The following ATG14 variants were observed in gnomAD, a reference collection of about 807,000 sequenced individuals.
ATG14 encodes the protein autophagy related 14.
ATG14 carries 35 observed loss-of-function variants against 60.4 expected under a neutral mutation model. The observed-to-expected ratio is 0.58, with a 90% CI of 0.44 to 0.77. The LOEUF is 0.77. Ranked by LOEUF, ATG14 falls within the 30% of genes least tolerant of loss-of-function variation. ATG14 has a pLI of 0.00. For synonymous variants in ATG14, 234 were observed against 228.8 expected (o/e 1.02, Z -0.21); for missense variants, 647 against 626.3 (o/e 1.03, Z -0.35).
intron 4 of ATG14, among the ~76,000 whole-genome samples, chr14:55,388,961 A>G (rs77631806): frequency 0.02 from 3,020 of 152,136 alleles, 79 homozygotes; most frequent in African/African-American, 0.069. Flanking sequence ...TTTTTTTTCA[A>G]CATGGCGATT....
intron 5 of ATG14, among the ~76,000 whole-genome samples, chr14:55,384,463 CTCTTTT>C (rs1406658005): frequency 6.6e-6 from 1 of 152,236 alleles, no homozygotes; most frequent in African/African-American, 2.4e-5. Flanking sequence ...CTGCTAATAT[CTCTTTT>C]GGGGTTCAGG....
chr14:55,396,068 T>TA lies in ATG14; in HGVS notation c.285-87dup, dbSNP rs1885309677. The stretch of plus-strand genomic sequence containing the variant: ...AAATGTAAAATCAAACACTTAAAAT[T>TA]AAGTCCTTAGAAATGGCTAGAAATA... On this transcript the variant is annotated intron_variant, in intron 2 of 9. Coordinates refer to ENST00000247178, the MANE Select transcript of ATG14 (RefSeq NM_014924.5). 2.6e-5 allele frequency: 27 copies of TA among 1,033,894 alleles called. No homozygotes were observed. The South Asian group carries it at 4.3e-4, about 17-fold the overall frequency. The allele number at this position is 1,033,894 out of a possible 1,614,324, so 64.0% of individuals were successfully genotyped here. A position where few individuals can be genotyped will look rare whatever the true frequency, so the allele number is the denominator to read the frequency against.
chr14:55,398,737 G>A (rs554527613), intron 1 of ATG14, among the ~76,000 whole-genome samples: 67 of 152,158 alleles, frequency 4.4e-4, no homozygotes, highest in African/African-American at 1.5e-3. Context: ...TTCTACAGCT[G>A]TTGGGCAGTG....
intron 5 of ATG14, among the ~76,000 whole-genome samples, chr14:55,385,040 T>G (rs1885100117): frequency 6.6e-6 from 1 of 152,204 alleles, no homozygotes; most frequent in South Asian, 2.1e-4. Flanking sequence ...GTCACGGTAT[T>G]CAGTGCTTGA....
chr14:55,384,084 G>A (rs765610759), intron 5 of ATG14, among the ~76,000 whole-genome samples: 5 of 152,112 alleles, frequency 3.3e-5, no homozygotes, highest in East Asian at 3.8e-4. Flanking sequence ...GTACTGCTGC[G>A]TCTCCCTTCT....
intron 1 of ATG14, among the ~76,000 whole-genome samples, chr14:55,405,225 C>G (rs1456272346): frequency 6.6e-6 from 1 of 152,112 alleles, no homozygotes; most frequent in Non-Finnish European, 1.5e-5. Context: ...GCCACAGTGG[C>G]TGACAAACAA....
intron 3 of ATG14, among the ~76,000 whole-genome samples, chr14:55,392,576 G>T (rs1210606577): frequency 6.6e-6 from 1 of 150,708 alleles, no homozygotes; most frequent in Non-Finnish European, 1.5e-5. Context: ...TTGAGCCCAG[G>T]AGGCAGAGGT....
chr14:55,401,878 A>G (rs1237803947), intron 1 of ATG14, among the ~76,000 whole-genome samples: 4 of 152,236 alleles, frequency 2.6e-5, no homozygotes, highest in Non-Finnish European at 5.9e-5. Context: ...AAGGAAGGGT[A>G]TGGAGGCAGA....
rs1249864391 is a variant in ATG14, at chr14:55,411,606, C to G, written c.217G>C (p.Glu73Gln). The G allele has an allele frequency of 1.5e-5, 24 of 1,607,720 alleles. No individual in the cohort carries two copies. The highest frequency in any genetic ancestry group is 2.0e-5 in the Non-Finnish European group (24 of 1,177,774). Reference protein sequence around the residue: ...DFVYFDGRDRERFIDKKERLS... With the variant: ...DFVYFDGRDRQRFIDKKERLS... ...GGGCCGTGGCGGCCGCCGTACCTCT[C>G]CCGGTCGCGGCCGTCGAAGTAGACG... Residue 73 changes from glutamate (E) to glutamine (Q), a missense_variant, in exon 1 of 10, where the codon GAG becomes CAG. Coordinates refer to ENST00000247178, the MANE Select transcript of ATG14 (RefSeq NM_014924.5).
rs1566585727 is a variant in ATG14 at position 55,402,953 on chromosome 14, ATATATATATATAT to A, written c.222-5532_222-5520del. On this transcript the variant is annotated intron_variant, in intron 1 of 9. Coordinates refer to ENST00000247178, the MANE Select transcript of ATG14 (RefSeq NM_014924.5). Reference sequence around the variant, plus strand: ...TATATATATATATATATATATATATATATATATATATATATAAATAGCTGGGCATAGTGGTGCA... The same window carrying A: ...TATATATATATATATATATATATATAATAAATAGCTGGGCATAGTGGTGCA... 3.1e-4 allele frequency among the ~76,000 whole-genome samples: 24 copies of A among 77,278 alleles called. 1 individual carries two copies. The highest frequency in any genetic ancestry group is 1.0e-3 in the Admixed American group (7 of 6,866). The allele number at this position is 77,278 out of a possible 152,430, so 50.7% of individuals were successfully genotyped here.
At position 55,382,201 on chromosome 14, in the gene ATG14, G is replaced by A. The variant is rs10135759; in HGVS notation, c.648-10C>T. Reference sequence around the variant, plus strand: ...CACATCTGCGGGGTCTCTACAAGTAGGAAGACACACACGGATTTTCAAGAG... The same window carrying A: ...CACATCTGCGGGGTCTCTACAAGTAAGAAGACACACACGGATTTTCAAGAG... On this transcript the variant is annotated splice_polypyrimidine_tract_variant and intron_variant, in intron 5 of 9. Transcript: ENST00000247178. 5.0e-5 allele frequency: 81 copies of A among 1,612,976 alleles called. No homozygotes were observed. The African/African-American group carries it at 1.0e-3, about 21-fold the overall frequency.
chr14:55,391,984 A>T (rs147713314), intron 3 of ATG14, among the ~76,000 whole-genome samples: 93 of 152,270 alleles, frequency 6.1e-4, no homozygotes, highest in South Asian at 4.8e-3. Flanking sequence ...TAGGTTCAGC[A>T]CCCCCTAAAG....
chr14:55,411,802 C>T lies in ATG14; in HGVS notation c.21G>A (p.Lys7=), dbSNP rs958463814. 15 of 1,597,620 alleles carry T rather than the reference C, an allele frequency of 9.4e-6. No homozygotes were observed. In the Admixed American group the frequency reaches 1.6e-4, roughly 17 times the overall value. Residue 7 remains lysine (K), a synonymous_variant, in exon 1 of 10, where the codon AAG becomes AAA. Transcript: ENST00000247178. ...CAGGAGCCTCCAGCGCCCGGGCTCC[C>T]TTCCCACTGGGAGACGCCATGATGG... MASPSG[K]GARALEAPGC...
chr14:55,377,520 A>G (rs1884942228), intron 9 of ATG14, among the ~76,000 whole-genome samples: 1 of 152,168 alleles, frequency 6.6e-6, no homozygotes, highest in Non-Finnish European at 1.5e-5. Flanking sequence ...ATCCAAAGAC[A>G]TGGCCTTTGG....
intron 1 of ATG14, among the ~76,000 whole-genome samples, chr14:55,408,639 A>G (rs748014499): frequency 2.6e-5 from 4 of 152,048 alleles, no homozygotes; most frequent in Non-Finnish European, 4.4e-5. Context: ...GGTGTGGTGG[A>G]GCATGCCTGT....
At chr14:55,403,427 C>T (rs1356144772) in intron 1 of ATG14, among the ~76,000 whole-genome samples, 1 of 152,062 alleles carries the variant, frequency 6.6e-6, no homozygotes, top group Non-Finnish European at 1.5e-5. Flanking sequence ...TACTACAGTT[C>T]CTTCATTCAG....
At chr14:55,408,376 G>C (rs1224543698) in intron 1 of ATG14, among the ~76,000 whole-genome samples, 8 of 152,126 alleles carry the variant, frequency 5.3e-5, no homozygotes, top group Admixed American at 2.0e-4. Context: ...AATCGCTTGA[G>C]AACAGGGAGG....
chr14:55,379,623 GTAA>G (rs1234864269), intron 7 of ATG14, among the ~76,000 whole-genome samples: 8 of 152,170 alleles, frequency 5.3e-5, no homozygotes, highest in Admixed American at 3.9e-4. Context: ...GGAGAAGATG[GTAA>G]TAATATGTTT....
At chr14:55,399,656 T>C (rs1024993075) in intron 1 of ATG14, among the ~76,000 whole-genome samples, 3 of 152,246 alleles carry the variant, frequency 2.0e-5, no homozygotes, top group African/African-American at 7.2e-5. Flanking sequence ...GAGAGACTAA[T>C]ATAGTATTTA....
Sources: allele counts gnomAD v4.1 joint callset (sites outside exome capture counted in the v4.1 genomes callset), GRCh38; gene constraint gnomAD v4.1.1; transcripts MANE v1.5; gene names NCBI Gene and HGNC (gene_info 2026-07-23, HGNC 2026-07-21).